RDX: variants seen among roughly 807,000 people sequenced by gnomAD.
RDX encodes radixin.
RDX carries 32 observed loss-of-function variants against 83.7 expected under a neutral mutation model. The observed-to-expected ratio is 0.38, with a 90% CI of 0.29 to 0.51. The LOEUF is 0.51. Among genes scored for constraint, RDX ranks in the 20% least tolerant of loss-of-function variants. The pLI is 0.87. For missense variants in RDX, 600 were observed against 689.9 expected (o/e 0.87, Z 1.46); for synonymous variants, 229 against 222.7 (o/e 1.03, Z -0.25).
chr11:110,194,359 A>G (rs1863160471), intron 15 of RDX, among the ~76,000 whole-genome samples: 1 of 152,214 alleles, frequency 6.6e-6, no homozygotes, highest in African/African-American at 2.4e-5. Flanking sequence ...AGCTGGGACT[A>G]CAGGCACCTG....
chr11:110,253,757 CAA>C lies in RDX; in HGVS notation c.959+187_959+188del, dbSNP rs1470912674. ...AAGCTATTTTCTTCGAGATATGTGT[CAA>C]AGATTTCTAACTTGAAAATTATACA... On this transcript the variant is annotated intron_variant, in intron 9 of 13. Transcript: ENST00000645495. 1.7e-5 allele frequency: 10 copies of C among 595,552 alleles called. No individual in the cohort carries two copies. In the East Asian group the frequency reaches 2.9e-4, roughly 18 times the overall value. The allele number at this position is 595,552 out of a possible 1,614,324, so 36.9% of individuals were successfully genotyped here.
At chr11:110,251,443 A>G (rs775688512) in intron 9 of RDX, among the ~76,000 whole-genome samples, 4 of 152,182 alleles carry the variant, frequency 2.6e-5, no homozygotes, top group South Asian at 2.1e-4. Context: ...TTTCTTACAA[A>G]AACGCTTGAA....
At chr11:110,280,668 A>G (rs911367148) in intron 1 of RDX, among the ~76,000 whole-genome samples, 16 of 152,258 alleles carry the variant, frequency 1.1e-4, no homozygotes, top group Non-Finnish European at 2.9e-5. Flanking sequence ...CAGCTAGCAC[A>G]GCGGCTCACA....
rs1307478275 is a variant in RDX at position 110,255,389 on chromosome 11, A to G, written c.699-4T>C. The G allele has an allele frequency of 7.1e-7, 1 of 1,412,394 alleles. No homozygotes were observed. The highest frequency in any genetic ancestry group is 1.0e-6 in the Non-Finnish European group (1 of 996,898). The allele number at this position is 1,412,394 out of a possible 1,614,324, so 87.5% of individuals were successfully genotyped here. A position where few individuals can be genotyped will look rare whatever the true frequency, so the allele number is the denominator to read the frequency against. On this transcript the variant is annotated splice_region_variant and splice_polypyrimidine_tract_variant and intron_variant, in intron 7 of 13. Coordinates refer to ENST00000645495, the MANE Select transcript of RDX (RefSeq NM_002906.4). Reference sequence around the variant, plus strand: ...AAAACCAATTTTAGGTGTTAACCTTAAAAAATGAAAGCATCTCCTTAATTA... The same window carrying G: ...AAAACCAATTTTAGGTGTTAACCTTGAAAAATGAAAGCATCTCCTTAATTA...
chr11:110,270,267 T>G (rs1860251345), intron 3 of RDX, among the ~76,000 whole-genome samples: 1 of 152,170 alleles, frequency 6.6e-6, no homozygotes, highest in Admixed American at 6.5e-5. Flanking sequence ...CTAGACTATA[T>G]GGTACAGCCT....
intron 10 of RDX, among the ~76,000 whole-genome samples, chr11:110,242,643 A>G (rs570189731): frequency 5.5e-4 from 84 of 152,272 alleles, no homozygotes; most frequent in African/African-American, 1.9e-3. Flanking sequence ...AGATAAGGCA[A>G]TAGCTATTTT....
In RDX at chr11:110,264,821, T is replaced by A. The variant is rs778138102; in HGVS notation, c.150A>T (p.Val50=). The change falls in exon 4 of 14, where the codon GTA becomes GTT. Residue 50 remains valine, a synonymous_variant. Coordinates refer to ENST00000645495, the MANE Select transcript of RDX (RefSeq NM_002906.4). The part of the protein sequence containing the change: ...REVWFFGLQY[V]DSKGYSTWLK... ...GCCATGTAGAATAACCTTTGCTGTC[T>A]ACATACTGCAGCCCAAAAAACCAGA... 1.9e-6 allele frequency: 3 copies of A among 1,613,948 alleles called. No individual in the cohort carries two copies. The highest frequency in any genetic ancestry group is 2.5e-6 in the Non-Finnish European group (3 of 1,179,946).
intron 14 of RDX, among the ~76,000 whole-genome samples, chr11:110,200,757 T>C (rs1863372568): frequency 6.6e-6 from 1 of 152,260 alleles, no homozygotes; most frequent in Admixed American, 6.5e-5. Flanking sequence ...TTTATAATTC[T>C]TCTTTAATAC....
chr11:110,279,228 G>A (rs1195311764), intron 2 of RDX, among the ~76,000 whole-genome samples: 1 of 152,124 alleles, frequency 6.6e-6, no homozygotes, highest in Non-Finnish European at 1.5e-5. Flanking sequence ...TGGACAGATT[G>A]AGCTAAATTA....
In RDX at chr11:110,201,192, A is replaced by G. The variant is rs1027147568; in HGVS notation, c.1749-1514T>C. Among the ~76,000 whole-genome samples, 3 of 151,722 alleles carry G rather than the reference A, an allele frequency of 2.0e-5. No homozygotes were observed. In the South Asian group the frequency reaches 6.2e-4, roughly 31 times the overall value. On this transcript the variant is annotated intron_variant, in intron 14 of 15. Coordinates refer to the RDX transcript ENST00000528498. ...ACTCCCGTCTCAAAAAAAAAAAAAA[A>G]AAAAAAGAAATGTCATTTCAAAATG...
chr11:110,182,096 G>C (rs564114485), intron 15 of RDX, among the ~76,000 whole-genome samples: 6 of 152,216 alleles, frequency 3.9e-5, no homozygotes, highest in Non-Finnish European at 7.3e-5. Flanking sequence ...GCAGCTTTCT[G>C]AGTGGAAAAA....
At chr11:110,218,848 G>A (rs542922521) in intron 14 of RDX, among the ~76,000 whole-genome samples, 68 of 152,230 alleles carry the variant, frequency 4.5e-4, no homozygotes, top group African/African-American at 1.5e-3. Context: ...GTAAGATCAG[G>A]TGCCTTCCTT....
At chr11:110,201,967 G>C (rs568327169) in intron 14 of RDX, among the ~76,000 whole-genome samples, 2 of 149,786 alleles carry the variant, frequency 1.3e-5, no homozygotes, top group Non-Finnish European at 3.0e-5. Flanking sequence ...TTTCAGTAGA[G>C]TTAAGGTTTC....
intron 14 of RDX, among the ~76,000 whole-genome samples, chr11:110,212,128 C>A (rs1359109390): frequency 1.4e-5 from 2 of 144,616 alleles, no homozygotes; most frequent in South Asian, 2.3e-4. Flanking sequence ...ATCAAATAGA[C>A]GCAATAAAAA....
intron 10 of RDX, among the ~76,000 whole-genome samples, chr11:110,246,346 C>T (rs1311074721): frequency 1.3e-5 from 2 of 152,206 alleles, no homozygotes; most frequent in East Asian, 1.9e-4. Context: ...CTCAAGAGTA[C>T]GTCTCCACCA....
At chr11:110,214,644 T>C (rs370500256) in intron 14 of RDX, among the ~76,000 whole-genome samples, 1 of 77,464 alleles carries the variant, frequency 1.3e-5, no homozygotes, top group Non-Finnish European at 2.6e-5. Context: ...ATATACACCA[T>C]GGAATACTAT....
chr11:110,278,869 A>C (rs1860630575), intron 2 of RDX, among the ~76,000 whole-genome samples: 1 of 152,060 alleles, frequency 6.6e-6, no homozygotes, highest in African/African-American at 2.4e-5. Context: ...AAAAAAAAAA[A>C]ACAACTCACT....
At chr11:110,201,386 T>A (rs1863395835) in intron 14 of RDX, among the ~76,000 whole-genome samples, 1 of 151,926 alleles carries the variant, frequency 6.6e-6, no homozygotes, top group Admixed American at 6.6e-5. Flanking sequence ...AAAGGAGGAT[T>A]TGGGAGTAAA....
intron 15 of RDX, among the ~76,000 whole-genome samples, chr11:110,192,677 CAAAT>C (rs1025371256): frequency 2.6e-5 from 4 of 152,020 alleles, no homozygotes; most frequent in Admixed American, 6.6e-5. Flanking sequence ...AAGCAAAAAA[CAAAT>C]AACTCCATTA....
Sources: gnomAD v4.1 joint callset for allele counts (sites outside exome capture counted in the v4.1 genomes callset) on GRCh38, gnomAD v4.1.1 for gene constraint, MANE v1.5 for transcripts, NCBI Gene and HGNC (gene_info 2026-07-23, HGNC 2026-07-21) for gene names.